The following TENM3 variants were observed in gnomAD, a reference collection of about 807,000 sequenced individuals.
TENM3 encodes teneurin-3.
In TENM3, 63 loss-of-function variants were observed where a neutral mutation model predicts 255.1. That is an observed-to-expected ratio of 0.25 (90% CI 0.20 to 0.30). TENM3 has a LOEUF of 0.30. Among genes scored for constraint, TENM3 ranks in the 10% least tolerant of loss-of-function variants. TENM3 has a pLI of 1.00. For synonymous variants in TENM3, 1,306 were observed against 1,322.3 expected (o/e 0.99, Z 0.27); for missense variants, 2,929 against 3,461.1 (o/e 0.85, Z 3.86).
At chr4:181,679,827 G>C in the TENM3 span, among the ~76,000 whole-genome samples, 1 of 152,100 alleles carries the variant, frequency 6.6e-6, no homozygotes, top group African/African-American at 2.4e-5. Context: ...AATAAAGTGG[G>C]AGTTTGTCTA....
At chr4:182,738,028 G>C (rs192267572) in intron 17 of TENM3, among the ~76,000 whole-genome samples, 17 of 152,210 alleles carry the variant, frequency 1.1e-4, no homozygotes, top group African/African-American at 3.9e-4. Flanking sequence ...AAACTAAAGA[G>C]TTCTAATTAT....
the TENM3 span, among the ~76,000 whole-genome samples, chr4:182,036,852 T>C: frequency 2.0e-5 from 3 of 151,862 alleles, no homozygotes; most frequent in African/African-American, 7.3e-5. Context: ...TAATTTATCT[T>C]GCTGATTTTT....
At chr4:182,516,492 A>C (rs909914345) in intron 3 of TENM3, among the ~76,000 whole-genome samples, 1 of 152,204 alleles carries the variant, frequency 6.6e-6, no homozygotes, top group Non-Finnish European at 1.5e-5. Context: ...CTCACGGCCA[A>C]ACACTTTTTA....
chr4:181,715,834 T>C, the TENM3 span, among the ~76,000 whole-genome samples: 1 of 152,194 alleles, frequency 6.6e-6, no homozygotes, highest in Non-Finnish European at 1.5e-5. Context: ...ACTTAATAGA[T>C]ATTGGTGATA....
rs114752045 is a variant in TENM3, at chr4:182,447,441, G to A, written c.511+100512G>A. Among the ~76,000 whole-genome samples the A allele has an allele frequency of 5.2e-3, 793 of 152,278 alleles. 8 individuals carry two copies. Among genetic ancestry groups the A allele is most frequent in the African/African-American group, 0.018 (760 of 41,562 alleles). ...TCTTGTAGCATTGGGTATAAAAAGC[G>A]ACAAAAGTCAAGGTAAAGCTAGTAT... is the stretch of plus-strand genomic sequence containing the variant. On this transcript the variant is annotated intron_variant, in intron 3 of 27. Transcript: ENST00000511685.
chr4:181,740,590 A>C, the TENM3 span, among the ~76,000 whole-genome samples: 1 of 152,150 alleles, frequency 6.6e-6, no homozygotes, highest in East Asian at 1.9e-4. Flanking sequence ...AAATGGTGAA[A>C]ACCAAAGGAA....
chr4:181,743,046 T>C, the TENM3 span, among the ~76,000 whole-genome samples: 2 of 152,004 alleles, frequency 1.3e-5, no homozygotes, highest in African/African-American at 4.8e-5. Flanking sequence ...ATGGTGTATA[T>C]GTGCCACATT....
At chr4:181,492,073 T>C in the TENM3 span, among the ~76,000 whole-genome samples, 3 of 152,196 alleles carry the variant, frequency 2.0e-5, no homozygotes, top group African/African-American at 4.8e-5. Context: ...TAGCATTTAC[T>C]ATTATGCAAA....
At chr4:182,584,369 C>G (rs13107775) in intron 3 of TENM3, among the ~76,000 whole-genome samples, 52,634 of 152,014 alleles carry the variant, frequency 0.35, 10,379 homozygotes, top group East Asian at 0.57. Flanking sequence ...AAGTTGTTTT[C>G]TTCATCTTTA....
chr4:181,752,195 G>A, the TENM3 span, among the ~76,000 whole-genome samples: 4 of 152,162 alleles, frequency 2.6e-5, no homozygotes, highest in Non-Finnish European at 5.9e-5. Context: ...GAAAGGAAAT[G>A]AGACTTGTTT....
intron 3 of TENM3, among the ~76,000 whole-genome samples, chr4:182,598,199 T>A (rs1321300518): frequency 5.9e-5 from 9 of 152,228 alleles, no homozygotes; most frequent in African/African-American, 1.2e-4. Flanking sequence ...ATTAAAAAAA[T>A]TTTTTTTAAA....
chr4:181,840,100 A>G, the TENM3 span, among the ~76,000 whole-genome samples: 1 of 152,044 alleles, frequency 6.6e-6, no homozygotes, highest in African/African-American at 2.4e-5. Context: ...TTGTCTCAGG[A>G]ATCAAATTTT....
In TENM3 at chr4:182,731,110, G is replaced by C. The variant is rs768527660; in HGVS notation, c.2938G>C (p.Glu980Gln). The change falls in exon 16 of 28, where the codon GAA becomes CAA. Residue 980 changes from glutamate to glutamine, a missense_variant. Physicochemically the swap from Glu to Gln is conservative, Grantham distance 29. Transcript: ENST00000511685. ...PLSTFFRSSPEDSPIIPETQV... is the reference protein window; with the variant it reads ...PLSTFFRSSPQDSPIIPETQV... ...ATCCACCTTTTTCAGATCTTCTCCT[G>C]AAGACAGTCCCATCATTCCCGAAAC... 1 of 1,613,766 alleles carries C rather than the reference G, an allele frequency of 6.2e-7. No homozygotes were observed. The highest frequency in any genetic ancestry group is 1.7e-4 in the Middle Eastern group (1 of 6,060).
chr4:182,274,362 A>T (rs1759849291), intron 1 of TENM3, among the ~76,000 whole-genome samples: 2 of 152,076 alleles, frequency 1.3e-5, no homozygotes, highest in Admixed American at 1.3e-4. Flanking sequence ...GAAAGGAGAT[A>T]CTCCTGAGAT....
At chr4:181,833,151 T>A in the TENM3 span, among the ~76,000 whole-genome samples, 1 of 152,142 alleles carries the variant, frequency 6.6e-6, no homozygotes. Context: ...TATATTGGTA[T>A]AAGAATAAAC....
chr4:181,541,832 A>G, the TENM3 span, among the ~76,000 whole-genome samples: 1 of 152,214 alleles, frequency 6.6e-6, no homozygotes, highest in Non-Finnish European at 1.5e-5. Flanking sequence ...TTACTCTAAG[A>G]AAGAATTTAG....
At chr4:182,066,599 A>AAAAATATATATAT in the TENM3 span, among the ~76,000 whole-genome samples, 2 of 137,106 alleles carry the variant, frequency 1.5e-5, no homozygotes, top group African/African-American at 5.7e-5. Context: ...GTAAAAAAAA[A>AAAAATATATATAT]ATATATATAT....
chr4:182,031,619 T>C, the TENM3 span, among the ~76,000 whole-genome samples: 3 of 152,224 alleles, frequency 2.0e-5, no homozygotes, highest in Non-Finnish European at 4.4e-5. Flanking sequence ...TGGAATAGTA[T>C]TGAATCTATA....
chr4:181,503,188 G>C, the TENM3 span, among the ~76,000 whole-genome samples: 34 of 152,000 alleles, frequency 2.2e-4, no homozygotes, highest in Non-Finnish European at 3.5e-4. Context: ...AACATAGCAA[G>C]ACCCCCATCT....
Sources: gnomAD v4.1 joint callset for allele counts (sites outside exome capture counted in the v4.1 genomes callset) on GRCh38, gnomAD v4.1.1 for gene constraint, MANE v1.5 for transcripts, NCBI Gene and HGNC (gene_info 2026-07-23, HGNC 2026-07-21) for gene names.